PLXNA4: variants seen among roughly 807,000 people sequenced by gnomAD.
PLXNA4 encodes the protein plexin-A4.
A neutral mutation model predicts 191.8 loss-of-function variants in PLXNA4; 44 were observed. That is an observed-to-expected ratio of 0.23 (90% CI 0.18 to 0.29). The LOEUF (loss-of-function observed/expected upper bound fraction) is 0.29, where lower values mean the gene tolerates loss of function less well. PLXNA4 is among the 10% of genes least tolerant of loss of function. PLXNA4 has a pLI of 1.00. For missense variants in PLXNA4, 1,800 were observed against 2,488.8 expected (o/e 0.72, Z 5.89); for synonymous variants, 1,082 against 1,009.5 (o/e 1.07, Z -1.36).
rs757044562 is a variant in PLXNA4 at position 132,181,482 on chromosome 7, G to C, written c.3391C>G (p.Leu1131Val). 2 of 1,614,178 alleles carry C rather than the reference G, an allele frequency of 1.2e-6. No homozygotes were observed. Among genetic ancestry groups the C allele is most frequent in the Non-Finnish European group, 1.7e-6 (2 of 1,180,034 alleles). The change falls in exon 18 of 32, where the codon CTC (leucine) becomes GTC (valine). Residue 1131 changes from leucine (L) to valine (V), a missense_variant. Leu to Val is a conservative substitution (Grantham distance 32). Around this residue, in one of 6 missense-constraint regions of PLXNA4, gnomAD observed 1,397 missense variants for 1,880.4 expected, o/e 0.74. Coordinates refer to ENST00000321063, the MANE Select transcript of PLXNA4 (RefSeq NM_020911.2). Reference sequence around the variant, plus strand: ...TAGTAGGTGAAGTTGGTCTTGTTGAGGATGAGCAGGGACTGGACGTTGTCC... The same window carrying C: ...TAGTAGGTGAAGTTGGTCTTGTTGACGATGAGCAGGGACTGGACGTTGTCC... ...ILDNVQSLLILNKTNFTYYPN... is the reference protein window; with the variant it reads ...ILDNVQSLLIVNKTNFTYYPN...
chr7:132,181,357 C>T (rs372646962), intron 18 of PLXNA4, 24 bp downstream of exon 18: 107 of 1,612,864 alleles, frequency 6.6e-5, no homozygotes, highest in Middle Eastern at 3.3e-4. Flanking sequence ...TTCCCACCCC[C>T]GCCTCCCACC....
intron 21 of PLXNA4, among the ~76,000 whole-genome samples, chr7:132,173,246 A>C (rs1796347529): frequency 6.6e-6 from 1 of 152,234 alleles, no homozygotes; most frequent in Non-Finnish European, 1.5e-5. Flanking sequence ...AGAAAAATAA[A>C]AGGAAGAGAA....
intron 1 of PLXNA4, among the ~76,000 whole-genome samples, chr7:132,562,917 C>T (rs1389644856): frequency 6.6e-5 from 7 of 105,270 alleles, no homozygotes; most frequent in Middle Eastern, 7.7e-3. Context: ...CCTCCTCTTC[C>T]TCCTCCTCCT....
At chr7:132,544,551 G>A (rs1800213350) in intron 1 of PLXNA4, among the ~76,000 whole-genome samples, 1 of 152,054 alleles carries the variant, frequency 6.6e-6, no homozygotes, top group Non-Finnish European at 1.5e-5. Context: ...CAGAGGGTGA[G>A]GGGGGCACAC....
At chr7:132,542,229 G>A (rs1800117405) in intron 1 of PLXNA4, among the ~76,000 whole-genome samples, 2 of 152,172 alleles carry the variant, frequency 1.3e-5, no homozygotes, top group Admixed American at 6.5e-5. Flanking sequence ...AGTCAAACAA[G>A]TAGGATTAAT....
intron 25 of PLXNA4, among the ~76,000 whole-genome samples, chr7:132,149,208 C>A (rs1406973571): frequency 6.6e-6 from 1 of 152,116 alleles, no homozygotes; most frequent in African/African-American, 2.4e-5. Context: ...CATTCTCACG[C>A]CCATGAACAT....
intron 2 of PLXNA4, among the ~76,000 whole-genome samples, chr7:132,633,837 T>C (rs970183232): frequency 8.5e-5 from 13 of 152,132 alleles, no homozygotes; most frequent in Admixed American, 3.9e-4. Context: ...AATGCAAACC[T>C]GTGATTCGCC....
At chr7:132,449,109 G>A (rs550417378) in intron 3 of PLXNA4, among the ~76,000 whole-genome samples, 2 of 152,314 alleles carry the variant, frequency 1.3e-5, no homozygotes, top group Admixed American at 1.3e-4. Flanking sequence ...AAATTAGCTG[G>A]TTGGCTGGCT....
At chr7:132,208,293 GCA>G (rs1360564330) in intron 10 of PLXNA4, among the ~76,000 whole-genome samples, 11 of 152,296 alleles carry the variant, frequency 7.2e-5, no homozygotes, top group African/African-American at 2.6e-4. Flanking sequence ...TGTCTGAGGG[GCA>G]CACCTTCTGT....
intron 3 of PLXNA4, among the ~76,000 whole-genome samples, chr7:132,469,395 T>C (rs1435556608): frequency 6.6e-6 from 1 of 152,204 alleles, no homozygotes; most frequent in Admixed American, 6.5e-5. Context: ...CACTGTTTTC[T>C]CATTTTCCAT....
chr7:132,183,477 C>A (rs187785712), intron 16 of PLXNA4, among the ~76,000 whole-genome samples: 1 of 152,354 alleles, frequency 6.6e-6, no homozygotes, highest in East Asian at 1.9e-4. Context: ...AGACCCAGAA[C>A]ATGTCTGTCT....
chr7:132,384,242 A>G, intron 3 of PLXNA4: 1 of 985,464 alleles, frequency 1.0e-6, no homozygotes, highest in Non-Finnish European at 1.2e-6. Flanking sequence ...TCTTAGCAAC[A>G]GAACAAATCT....
At chr7:132,313,654 G>A (rs1391811483) in intron 3 of PLXNA4, among the ~76,000 whole-genome samples, 2 of 152,114 alleles carry the variant, frequency 1.3e-5, no homozygotes, top group Non-Finnish European at 2.9e-5. Flanking sequence ...CCGATTGACT[G>A]TCTCATTGTT....
intron 3 of PLXNA4, among the ~76,000 whole-genome samples, chr7:132,479,948 G>A (rs1482224556): frequency 6.6e-6 from 1 of 152,166 alleles, no homozygotes; most frequent in East Asian, 1.9e-4. Context: ...ATGAGCCACT[G>A]CGCCTGGCCT....
At chr7:132,365,348 T>TGCGCGC (rs1328603703) in intron 3 of PLXNA4, among the ~76,000 whole-genome samples, 2 of 105,264 alleles carry the variant, frequency 1.9e-5, no homozygotes, top group South Asian at 3.2e-4. Context: ...TGTGTGTGTG[T>TGCGCGC]GTGTGTGTGT....
At chr7:132,255,939 G>A (rs1562994509) in intron 4 of PLXNA4, among the ~76,000 whole-genome samples, 1 of 152,250 alleles carries the variant, frequency 6.6e-6, no homozygotes, top group Non-Finnish European at 1.5e-5. Context: ...GATGAAATGA[G>A]GTCAAGGTTA....
intron 27 of PLXNA4, 145 bp downstream of exon 27, chr7:132,147,755 C>A (rs1323695030): frequency 3.8e-6 from 4 of 1,047,734 alleles, no homozygotes; most frequent in South Asian, 1.6e-5. Flanking sequence ...CCTCTTCCCC[C>A]ACCTGGCTCT....
intron 26 of PLXNA4, among the ~76,000 whole-genome samples, 179 bp from the exon 27 acceptor site, chr7:132,148,178 A>G (rs905638833): frequency 1.1e-4 from 16 of 152,166 alleles, no homozygotes; most frequent in Non-Finnish European, 2.2e-4. Context: ...GGATACTGAC[A>G]AGTATTCTGT....
intron 2 of PLXNA4, among the ~76,000 whole-genome samples, chr7:132,597,644 A>G (rs1418271302): frequency 2.0e-5 from 3 of 151,774 alleles, no homozygotes; most frequent in Non-Finnish European, 4.4e-5. Context: ...CCCTTTCCCA[A>G]TCCTGTTACC....
Sources: gnomAD v4.1 joint callset for allele counts (sites outside exome capture counted in the v4.1 genomes callset) on GRCh38, gnomAD v4.1.1 for gene constraint, gnomAD v4.1.1 regional missense constraint, MANE v1.5 for transcripts, NCBI Gene and HGNC (gene_info 2026-07-23, HGNC 2026-07-21) for gene names.